Variants in CAGE1 observed in about 807,000 individuals in gnomAD.
CAGE1 encodes cancer-associated gene 1 protein.
In CAGE1, 66 loss-of-function variants were observed where a neutral mutation model predicts 94.9. The ratio of observed to expected loss-of-function variants is 0.70; its 90% CI spans 0.57 to 0.85. The LOEUF (loss-of-function observed/expected upper bound fraction) is 0.85. Among genes scored for constraint, CAGE1 ranks in the 40% least tolerant of loss-of-function variants. The pLI is 0.00. For synonymous variants in CAGE1, 319 were observed against 321.0 expected, an observed-to-expected ratio of 0.99 and a Z score of 0.07; for missense variants, 865 against 950.4, an observed-to-expected ratio of 0.91 and a Z score of 1.18.
intron 4 of CAGE1, among the ~76,000 whole-genome samples, chr6:7,376,560 A>G (rs1332114149): frequency 6.6e-6 from 1 of 152,082 alleles, no homozygotes; most frequent in African/African-American, 2.4e-5. Context: ...CCTAGCCTCC[A>G]GAACCGTGAG....
chr6:7,355,946 G>C lies in CAGE1; in HGVS notation c.2298+79C>G, dbSNP rs540219912. 80 of 770,146 alleles carry C rather than the reference G, an allele frequency of 1.0e-4. No homozygotes were observed. The East Asian group carries it at 2.1e-3, about 20-fold the overall frequency. 47.7% of individuals were successfully genotyped at this position (770,146 alleles called of 1,614,324 possible). A position where few individuals can be genotyped will look rare whatever the true frequency, so the allele number is the denominator to read the frequency against. On this transcript the variant is annotated intron_variant, in intron 10 of 13. Coordinates refer to ENST00000502583, the MANE Select transcript of CAGE1 (RefSeq NM_001170692.2). ...TTGAGCCCAGGGGATTGAGGCTGTAGTTAGCACTGCACTGTACTTCGGCCT... is the reference window on the plus strand; with the variant it reads ...TTGAGCCCAGGGGATTGAGGCTGTACTTAGCACTGCACTGTACTTCGGCCT...
In CAGE1 at chr6:7,389,724, G is replaced by A. The variant is rs764455692; in HGVS notation, c.-546C>T. ...CAGAACATCCACAGCCCTATACAGCGCGCCATCCAGAGAGCTCCGGACTCC... is the reference window on the plus strand; with the variant it reads ...CAGAACATCCACAGCCCTATACAGCACGCCATCCAGAGAGCTCCGGACTCC... On this transcript the variant is annotated 5_prime_UTR_variant, in exon 1 of 14. Transcript: ENST00000502583. The A allele has an allele frequency of 9.1e-6, 5 of 550,780 alleles. No homozygotes were observed. The highest frequency in any genetic ancestry group is 3.1e-5 in the East Asian group (1 of 32,324). The allele number at this position is 550,780 out of a possible 1,614,324, so 34.1% of individuals were successfully genotyped here.
intron 4 of CAGE1, among the ~76,000 whole-genome samples, 166 bp downstream of exon 4, chr6:7,378,451 T>TTATATATATATATATATATATATA (rs34451165): frequency 3.0e-4 from 45 of 149,764 alleles, no homozygotes; most frequent in African/African-American, 1.1e-3. Context: ...AAGTCTCAGA[T>TTATATATATATATATATATATATA]TATATATATA....
At position 7,389,723 on chromosome 6, in the gene CAGE1, C is replaced by T. The variant is rs1018122587; in HGVS notation, c.-545G>A. ...ACAGAACATCCACAGCCCTATACAG[C>T]GCGCCATCCAGAGAGCTCCGGACTC... On this transcript the variant is annotated 5_prime_UTR_variant, in exon 1 of 14. Coordinates refer to ENST00000502583, the MANE Select transcript of CAGE1 (RefSeq NM_001170692.2). The T allele has an allele frequency of 4.5e-5, 25 of 549,928 alleles. 2 individuals are homozygous for T. In the Admixed American group the frequency reaches 5.1e-4, roughly 11 times the overall value. 34.1% of individuals were successfully genotyped at this position (549,928 alleles called of 1,614,324 possible).
chr6:7,377,578 C>T (rs1033240354), intron 4 of CAGE1, among the ~76,000 whole-genome samples: 5 of 150,722 alleles, frequency 3.3e-5, no homozygotes, highest in African/African-American at 1.2e-4. Flanking sequence ...ACTAAAAATA[C>T]AAAAAAAAAT....
At chr6:7,374,362 A>T (rs1476211622) in intron 4 of CAGE1, among the ~76,000 whole-genome samples, 1 of 152,384 alleles carries the variant, frequency 6.6e-6, no homozygotes, top group Admixed American at 6.5e-5. Context: ...GGGCACAGGC[A>T]GTAGGTATAT....
chr6:7,330,275 C>G lies in CAGE1; in HGVS notation c.2439-387G>C, dbSNP rs142118284. On this transcript the variant is annotated intron_variant, in intron 12 of 13. Coordinates refer to ENST00000502583, the MANE Select transcript of CAGE1 (RefSeq NM_001170692.2). ...TGGTGGCACGCACCTGTAAACCCAGCTACTCACAAGGCTGAGGCGGAGAAT... is the reference window on the plus strand; with the variant it reads ...TGGTGGCACGCACCTGTAAACCCAGGTACTCACAAGGCTGAGGCGGAGAAT... 3.9e-3 allele frequency among the ~76,000 whole-genome samples: 598 copies of G among 152,280 alleles called. 8 individuals carry two copies. Among genetic ancestry groups the G allele is most frequent in the African/African-American group, 0.014 (570 of 41,546 alleles).
chr6:7,389,164 T>C (rs970678083), intron 1 of CAGE1, 38 bp downstream of exon 1: 2 of 429,516 alleles, frequency 4.7e-6, no homozygotes, highest in African/African-American at 2.0e-5. Flanking sequence ...AACTATAGTT[T>C]TGTTTAAAAG....
At chr6:7,368,335 G>A (rs1277367742) in intron 7 of CAGE1, among the ~76,000 whole-genome samples, 1 of 151,552 alleles carries the variant, frequency 6.6e-6, no homozygotes, top group Non-Finnish European at 1.5e-5. Context: ...TCAGCCACCT[G>A]AGAAATAAAA....
intron 11 of CAGE1, among the ~76,000 whole-genome samples, chr6:7,350,020 A>G (rs1469225478): frequency 1.3e-5 from 2 of 152,116 alleles, no homozygotes; most frequent in Admixed American, 6.6e-5. Context: ...AGACTTACCT[A>G]ACACATAAGG....
At chr6:7,334,411 T>C (rs1303018287) in intron 11 of CAGE1, among the ~76,000 whole-genome samples, 1 of 152,134 alleles carries the variant, frequency 6.6e-6, no homozygotes, top group Non-Finnish European at 1.5e-5. Context: ...AAATCCAATA[T>C]GATCCTGGGG....
chr6:7,371,699 AT>A (rs574479438), intron 5 of CAGE1, among the ~76,000 whole-genome samples: 206 of 152,244 alleles, frequency 1.4e-3, no homozygotes, highest in Non-Finnish European at 2.4e-3. Context: ...AGGCAGGAGA[AT>A]TGCTTGAACC....
chr6:7,381,044 A>G (rs904391569), intron 3 of CAGE1, among the ~76,000 whole-genome samples: 1 of 152,192 alleles, frequency 6.6e-6, no homozygotes, highest in Non-Finnish European at 1.5e-5. Flanking sequence ...TGACCTTCTT[A>G]ATGTACATCC....
chr6:7,342,214 T>G (rs371848439), intron 11 of CAGE1, among the ~76,000 whole-genome samples: 1 of 152,160 alleles, frequency 6.6e-6, no homozygotes, highest in Admixed American at 6.5e-5. Context: ...CCTAGAGTCC[T>G]GGGAAGGAAG....
At chr6:7,357,982 C>T (rs534590448) in intron 9 of CAGE1, among the ~76,000 whole-genome samples, 32 of 137,536 alleles carry the variant, frequency 2.3e-4, no homozygotes, top group Non-Finnish European at 2.5e-4. Context: ...TTAGTAGAGA[C>T]GGGGTTTCAC....
intron 9 of CAGE1, among the ~76,000 whole-genome samples, chr6:7,357,641 G>A (rs1176072956): frequency 5.3e-5 from 8 of 151,884 alleles, no homozygotes; most frequent in African/African-American, 9.7e-5. Flanking sequence ...TGCAGAAGCC[G>A]GGTTTTTAGA....
intron 1 of CAGE1, among the ~76,000 whole-genome samples, chr6:7,387,553 A>T (rs1387753386): frequency 6.6e-6 from 1 of 151,046 alleles, no homozygotes; most frequent in Non-Finnish European, 1.5e-5. Flanking sequence ...TTCCACTTGA[A>T]CACCTCACTA....
chr6:7,345,155 ATTGCTTTTAGGAGCTATG>A (rs1489563132), intron 11 of CAGE1, among the ~76,000 whole-genome samples: 19 of 85,882 alleles, frequency 2.2e-4, no homozygotes, highest in African/African-American at 9.5e-4. Flanking sequence ...CTAGGTCCAT[ATTGCTTTTAGGAGCTATG>A]ACACTCCTTG....
intron 9 of CAGE1, among the ~76,000 whole-genome samples, chr6:7,358,035 T>TAG (rs1760028846): frequency 2.3e-5 from 1 of 42,934 alleles, no homozygotes; most frequent in African/African-American, 1.5e-4. Flanking sequence ...GAGATATATA[T>TAG]ATATATATAT....
Sources: gnomAD v4.1 joint callset for allele counts (sites outside exome capture counted in the v4.1 genomes callset) on GRCh38, gnomAD v4.1.1 for gene constraint, MANE v1.5 for transcripts, NCBI Gene and HGNC (gene_info 2026-07-23, HGNC 2026-07-21) for gene names.